The following SLC6A18 variants were observed in gnomAD, a reference collection of about 807,000 sequenced individuals.
SLC6A18 encodes the protein inactive sodium-dependent neutral amino acid transporter B(0)AT3.
A neutral mutation model predicts 62.9 loss-of-function variants in SLC6A18; 58 were observed. The observed-to-expected ratio is 0.92, with a 90% CI of 0.75 to 1.15. The LOEUF is 1.15. Ranked by LOEUF, SLC6A18 falls within the 50% of genes most tolerant of loss-of-function variation. SLC6A18 has a pLI of 0.00. For missense variants in SLC6A18, 793 were observed against 836.6 expected, an observed-to-expected ratio of 0.95 and a Z score of 0.64; for synonymous variants, 382 against 365.8, an observed-to-expected ratio of 1.04 and a Z score of -0.51.
intron 3 of SLC6A18, among the ~76,000 whole-genome samples, chr5:1,233,227 C>T (rs1359193069): frequency 2.0e-5 from 3 of 152,192 alleles, no homozygotes; most frequent in Non-Finnish European, 2.9e-5. Flanking sequence ...CTTGTCAACC[C>T]AGCACTTAGG....
At chr5:1,242,265 C>T (rs957421055) in intron 7 of SLC6A18, among the ~76,000 whole-genome samples, 2 of 152,230 alleles carry the variant, frequency 1.3e-5, no homozygotes, top group Admixed American at 6.5e-5. Context: ...CAGCTTCTCC[C>T]CTCACCCGGC....
At chr5:1,230,667 G>A (rs1015087936) in intron 1 of SLC6A18, among the ~76,000 whole-genome samples, 3 of 152,198 alleles carry the variant, frequency 2.0e-5, no homozygotes, top group African/African-American at 4.8e-5. Flanking sequence ...ACCTGGAAAC[G>A]AGCTTCTAGA....
chr5:1,228,802 G>A (rs922069811), intron 1 of SLC6A18, among the ~76,000 whole-genome samples: 4 of 152,248 alleles, frequency 2.6e-5, no homozygotes, highest in Non-Finnish European at 5.9e-5. Context: ...AGCCTGGGAG[G>A]TCGAGGCTGG....
At position 1,235,603 on chromosome 5, in the gene SLC6A18, G is replaced by A; in HGVS notation, c.562G>A (p.Ala188Thr). 1 of 1,614,016 alleles carries A rather than the reference G, an allele frequency of 6.2e-7. No homozygotes were observed. Among genetic ancestry groups the A allele is most frequent in the Non-Finnish European group, 8.5e-7 (1 of 1,180,026 alleles). The change falls in exon 4 of 12, where the codon GCA (alanine) becomes ACA (threonine). Residue 188 changes from alanine (A) to threonine (T), a missense_variant. By Grantham distance (58) the Ala-to-Thr change is moderately conservative. Coordinates refer to ENST00000324642, the MANE Select transcript of SLC6A18 (RefSeq NM_182632.3). The stretch of plus-strand genomic sequence containing the variant: ...CCAGTGGTGGCTGCTCATCTGCTTG[G>A]CAGCCTCCTGGGCAGTCGTGTACAT... ...SIQWWLLICL[A>T]ASWAVVYMCV... is the part of the protein sequence containing the mutation.
Position 1,246,081 on chromosome 5 carries a change from C to G in SLC6A18, c.*3C>G, listed in dbSNP as rs1237740717. On this transcript the variant is annotated 3_prime_UTR_variant, in exon 12 of 12. Transcript: ENST00000324642. ...GCCCGGACACGGACATGCGCTGAAG[C>G]CGGCCGGAGCGGGGCCTGCATGGGC... 9.0e-6 allele frequency: 14 copies of G among 1,559,088 alleles called. No individual in the cohort carries two copies. In the African/African-American group the frequency reaches 1.2e-4, roughly 14 times the overall value.
At chr5:1,233,993 G>A (rs1037932038) in intron 3 of SLC6A18, among the ~76,000 whole-genome samples, 56 of 152,008 alleles carry the variant, frequency 3.7e-4, no homozygotes, top group Non-Finnish European at 5.1e-4. Flanking sequence ...CGCCTGCCTC[G>A]GCCTCCCAAA....
At chr5:1,228,899 T>C (rs1746651395) in intron 1 of SLC6A18, among the ~76,000 whole-genome samples, 2 of 152,220 alleles carry the variant, frequency 1.3e-5, no homozygotes, top group East Asian at 1.9e-4. Flanking sequence ...AGGAGTTGTG[T>C]AGACATTCTT....
At chr5:1,235,362 A>G in intron 3 of SLC6A18, 119 bp from the exon 4 acceptor site, 1 of 948,776 alleles carries the variant, frequency 1.1e-6, no homozygotes. Flanking sequence ...AAGAAGTGAA[A>G]GGGCACCTCA....
chr5:1,238,134 C>G, intron 5 of SLC6A18, 74 bp downstream of exon 5: 1 of 1,205,896 alleles, frequency 8.3e-7, no homozygotes. Context: ...AGCTCCCTCC[C>G]TCACCTGGGA....
rs1436208956 is a variant in SLC6A18, at chr5:1,234,555, G to C, written c.440-926G>C. Reference sequence around the variant, plus strand: ...TTGGGGTCACTTAGGCCAGCCCTTTGATTTTCAGGCAGGCCGAGAGGAGTT... The same window carrying C: ...TTGGGGTCACTTAGGCCAGCCCTTTCATTTTCAGGCAGGCCGAGAGGAGTT... On this transcript the variant is annotated intron_variant, in intron 3 of 11. Transcript: ENST00000324642. 9.2e-5 allele frequency among the ~76,000 whole-genome samples: 14 copies of C among 152,222 alleles called. 1 individual carries two copies. The highest frequency in any genetic ancestry group is 9.2e-4 in the Admixed American group (14 of 15,288).
intron 2 of SLC6A18, 82 bp downstream of exon 2, chr5:1,232,441 C>G: frequency 6.6e-7 from 1 of 1,522,080 alleles, no homozygotes; most frequent in Non-Finnish European, 8.9e-7. Flanking sequence ...GGGGGCGGGT[C>G]CATGCCTGTG....
At chr5:1,235,428 G>A in intron 3 of SLC6A18, 53 bp from the exon 4 acceptor site, 1 of 1,576,508 alleles carries the variant, frequency 6.3e-7, no homozygotes, top group Non-Finnish European at 8.7e-7. Context: ...AGAGCCACAT[G>A]GTGAGGGTGC....
intron 3 of SLC6A18, among the ~76,000 whole-genome samples, chr5:1,233,489 G>A (rs1273489604): frequency 2.6e-5 from 4 of 151,684 alleles, no homozygotes; most frequent in South Asian, 2.1e-4. Context: ...AAAAACAATC[G>A]AACAAACAAA....
chr5:1,228,402 G>A (rs757918963), intron 1 of SLC6A18, among the ~76,000 whole-genome samples: 3 of 152,182 alleles, frequency 2.0e-5, no homozygotes, highest in African/African-American at 4.8e-5. Context: ...GACCCTGGGC[G>A]TGTCTCTGGT....
intron 7 of SLC6A18, 69 bp downstream of exon 7, chr5:1,240,728 T>C: frequency 6.3e-7 from 1 of 1,596,272 alleles, no homozygotes. Context: ...GCACCGAGAA[T>C]CCCAAGGCAT....
chr5:1,225,666 AC>A, intron 1 of SLC6A18, 29 bp downstream of exon 1: 1 of 1,521,038 alleles, frequency 6.6e-7, no homozygotes. Context: ...CCTGGGGCAG[AC>A]CCCTAAGCAG....
At chr5:1,232,665 T>G in intron 2 of SLC6A18, 86 bp from the exon 3 acceptor site, 2 of 1,513,240 alleles carry the variant, frequency 1.3e-6, no homozygotes, top group African/African-American at 1.4e-5. Flanking sequence ...TATTTTATGT[T>G]GTTATTTTGT....
intron 7 of SLC6A18, 88 bp downstream of exon 7, chr5:1,240,747 G>C: frequency 1.3e-6 from 2 of 1,558,492 alleles, no homozygotes; most frequent in Non-Finnish European, 1.7e-6. Flanking sequence ...ATGAGGAAGG[G>C]TGGCGTGGGC....
chr5:1,231,126 G>A (rs967561885), intron 1 of SLC6A18, among the ~76,000 whole-genome samples: 3 of 152,188 alleles, frequency 2.0e-5, no homozygotes, highest in Admixed American at 2.0e-4. Flanking sequence ...TGCCGCTGGG[G>A]CCAGGAGGGT....
Sources: allele counts gnomAD v4.1 joint callset (sites outside exome capture counted in the v4.1 genomes callset), GRCh38; gene constraint gnomAD v4.1.1; transcripts MANE v1.5; gene names NCBI Gene and HGNC (gene_info 2026-07-23, HGNC 2026-07-21).